CNST: variants seen among roughly 807,000 people sequenced by gnomAD.
CNST encodes consortin, connexin sorting protein.
In CNST, 39 loss-of-function variants were observed where a neutral mutation model predicts 72.4. The observed-to-expected ratio is 0.54, with a 90% confidence interval of 0.42 to 0.70. CNST has a LOEUF of 0.70. CNST is among the 30% of genes least tolerant of loss of function. The pLI is 0.00. For missense variants in CNST, 871 were observed against 868.5 expected (o/e 1.00, Z -0.04); for synonymous variants, 332 against 320.1 (o/e 1.04, Z -0.40).
rs1466193811 is a variant in CNST at position 246,668,299 on chromosome 1, A to C, written c.*2394A>C. 2 of 152,186 alleles carry C rather than the reference A, an allele frequency of 1.3e-5. No homozygotes were observed. The highest frequency in any genetic ancestry group is 1.3e-4 in the Admixed American group (2 of 15,276). The allele number at this position is 152,186 out of a possible 1,614,324, so 9.4% of individuals were successfully genotyped here. A position where few individuals can be genotyped will look rare whatever the true frequency, so the allele number is the denominator to read the frequency against. ...TAATCTTCCTTAAGAACTGTATTTG[A>C]GGGTATCAAATCAAGCTTGTAATTT... On this transcript the variant is annotated 3_prime_UTR_variant, in exon 11 of 11. Transcript: ENST00000366513.
intron 1 of CNST, among the ~76,000 whole-genome samples, chr1:246,585,670 C>T (rs886804109): frequency 0.094 from 760 of 8,092 alleles, 46 homozygotes; most frequent in African/African-American, 0.25. Flanking sequence ...AAAATATACA[C>T]ACACACACAC....
chr1:246,624,598 C>T (rs78785916), intron 3 of CNST, among the ~76,000 whole-genome samples: 4 of 152,190 alleles, frequency 2.6e-5, no homozygotes, highest in African/African-American at 7.2e-5. Context: ...TGACAAGATT[C>T]GGTTGATGGC....
In CNST at chr1:246,655,020, CAG is replaced by C. The variant is rs1488703415; in HGVS notation, c.1837-5178_1837-5177del. 5.3e-5 allele frequency among the ~76,000 whole-genome samples: 8 copies of C among 152,274 alleles called. No individual in the cohort carries two copies. In the South Asian group the frequency reaches 1.0e-3, roughly 20 times the overall value. ...AACTATTAAAGAATTTCAGCAAGGT[CAG>C]GGGATTTAAAGTAACTGAACTGGCA... On this transcript the variant is annotated intron_variant, in intron 9 of 10. Transcript: ENST00000366513.
intron 2 of CNST, chr1:246,605,893 C>G (rs879258576): frequency 1.3e-5 from 2 of 151,434 alleles, no homozygotes; most frequent in African/African-American, 4.9e-5. Context: ...TTCTCGCTGA[C>G]GCGCGCTGCT....
intron 2 of CNST, among the ~76,000 whole-genome samples, chr1:246,613,024 G>T (rs1663436940): frequency 6.6e-6 from 1 of 152,172 alleles, no homozygotes; most frequent in Admixed American, 6.5e-5. Flanking sequence ...CATGCTTTAT[G>T]TGGATTATCT....
chr1:246,660,294 A>T lies in CNST; in HGVS notation c.1932A>T (p.Arg644=), dbSNP rs1160312583. Residue 644 remains arginine, a synonymous_variant, in exon 10 of 11, where the codon CGA becomes CGT. Coordinates refer to ENST00000366513, the MANE Select transcript of CNST (RefSeq NM_152609.3). The part of the protein sequence containing the change: ...PAQMQHKPSK[R]RVRFQEIDDS... ...AAATGCAACACAAACCATCTAAGCG[A>T]AGAGTGAGATTCCAAGAAATAGACG... The T allele has an allele frequency of 6.2e-7, 1 of 1,614,152 alleles. No homozygotes were observed. The highest frequency in any genetic ancestry group is 1.1e-5 in the South Asian group (1 of 91,072).
chr1:246,621,398 C>A, intron 2 of CNST, 31 bp from the exon 3 acceptor site: 1 of 1,509,500 alleles, frequency 6.6e-7, no homozygotes, highest in South Asian at 1.1e-5. Context: ...GGAATTGATC[C>A]TAACATAGGC....
intron 2 of CNST, among the ~76,000 whole-genome samples, chr1:246,598,878 T>C (rs1484234838): frequency 6.6e-6 from 1 of 152,208 alleles, no homozygotes; most frequent in African/African-American, 2.4e-5. Context: ...ACGGACAGTT[T>C]AACTCCCTTA....
intron 4 of CNST, chr1:246,632,608 C>T (rs1461039319): frequency 1.9e-5 from 3 of 159,992 alleles, no homozygotes; most frequent in African/African-American, 7.2e-5. Flanking sequence ...GAGTTTTTCT[C>T]TTCCTTTTTT....
intron 9 of CNST, among the ~76,000 whole-genome samples, chr1:246,652,792 C>A (rs546286467): frequency 1.3e-5 from 2 of 151,224 alleles, no homozygotes; most frequent in Non-Finnish European, 2.9e-5. Flanking sequence ...ATCACGAGGT[C>A]AGGAGATCGA....
intron 1 of CNST, among the ~76,000 whole-genome samples, chr1:246,569,522 T>C (rs954399162): frequency 3.3e-5 from 5 of 152,298 alleles, no homozygotes; most frequent in African/African-American, 1.2e-4. Context: ...GGTATTTAAT[T>C]TGAGAAGTTT....
chr1:246,636,293 C>T (rs1299025382), intron 6 of CNST, among the ~76,000 whole-genome samples: 1 of 152,068 alleles, frequency 6.6e-6, no homozygotes. Flanking sequence ...GATATGCACG[C>T]CGTCCCTCTT....
At chr1:246,599,784 C>A (rs1330386790) in intron 2 of CNST, among the ~76,000 whole-genome samples, 1 of 152,238 alleles carries the variant, frequency 6.6e-6, no homozygotes, top group Non-Finnish European at 1.5e-5. Flanking sequence ...GATAACTTTA[C>A]ATAACAGAAT....
chr1:246,648,545 AAAG>A (rs1321077466), intron 9 of CNST, among the ~76,000 whole-genome samples: 2 of 152,234 alleles, frequency 1.3e-5, no homozygotes, highest in African/African-American at 4.8e-5. Context: ...TAAGTTGAAA[AAAG>A]AGATTAAGGA....
intron 6 of CNST, 64 bp downstream of exon 6, chr1:246,634,651 T>C (rs993234836): frequency 4.9e-5 from 40 of 811,920 alleles, no homozygotes; most frequent in Non-Finnish European, 7.3e-5. Context: ...ATTATAGCAT[T>C]GAGTATCCAT....
intron 9 of CNST, among the ~76,000 whole-genome samples, chr1:246,650,676 C>CTT (rs10693662): frequency 0.055 from 7,059 of 127,588 alleles, 450 homozygotes; most frequent in African/African-American, 0.11. Context: ...TTAATTCAAA[C>CTT]TTTTTTTTTT....
intron 2 of CNST, chr1:246,606,077 G>C (rs1488189701): frequency 4.6e-5 from 7 of 152,270 alleles, no homozygotes; most frequent in Non-Finnish European, 1.0e-4. Context: ...GGGTGGCGTG[G>C]GCACCTCGGA....
chr1:246,631,999 A>G, intron 4 of CNST, 75 bp downstream of exon 4: 1 of 882,094 alleles, frequency 1.1e-6, no homozygotes, highest in Admixed American at 2.3e-5. Flanking sequence ...ATTGAAGTAT[A>G]TTTTACATGT....
chr1:246,590,629 T>C (rs1048407054), intron 1 of CNST, among the ~76,000 whole-genome samples: 1 of 115,204 alleles, frequency 8.7e-6, no homozygotes, highest in Non-Finnish European at 1.7e-5. Context: ...GAAGAATCTT[T>C]AGAAGTCCTC....
Sources: allele counts gnomAD v4.1 joint callset (sites outside exome capture counted in the v4.1 genomes callset), GRCh38; gene constraint gnomAD v4.1.1; transcripts MANE v1.5; gene names NCBI Gene and HGNC (gene_info 2026-07-23, HGNC 2026-07-21).